The following JAZF1 variants were observed in gnomAD, a reference collection of about 807,000 sequenced individuals.
JAZF1 encodes JAZF zinc finger 1.
Under a neutral mutation model 26.4 loss-of-function variants are expected in JAZF1, and 8 were observed. That is an observed-to-expected ratio of 0.30 (90% CI 0.18 to 0.55). The LOEUF (loss-of-function observed/expected upper bound fraction) is 0.55, where lower values mean the gene tolerates loss of function less well. Ranked by LOEUF, JAZF1 falls within the 20% of genes least tolerant of loss-of-function variation. The probability of loss-of-function intolerance (pLI) is 0.94; values close to 1 mark genes in which losing one functional copy is unlikely to be tolerated. For synonymous variants in JAZF1, 126 were observed against 122.3 expected (o/e 1.03, Z -0.20); for missense variants, 199 against 322.0 (o/e 0.62, Z 2.92).
intron 3 of JAZF1, among the ~76,000 whole-genome samples, chr7:27,880,441 T>C (rs886627609): frequency 5.3e-5 from 8 of 152,112 alleles, no homozygotes; most frequent in Non-Finnish European, 1.0e-4. Flanking sequence ...GAGACCAGTC[T>C]GGCCAACATG....
chr7:28,075,208 G>T (rs1260643907), intron 1 of JAZF1, among the ~76,000 whole-genome samples: 3 of 151,960 alleles, frequency 2.0e-5, no homozygotes, highest in Non-Finnish European at 4.4e-5. Flanking sequence ...TACCCCACAG[G>T]GCTGTTGGCA....
intron 1 of JAZF1, among the ~76,000 whole-genome samples, chr7:28,002,382 C>A (rs1460070569): frequency 2.6e-5 from 4 of 152,122 alleles, no homozygotes; most frequent in African/African-American, 9.7e-5. Flanking sequence ...GATCTGGTAC[C>A]CGAGTCTCCA....
At chr7:28,126,861 T>A (rs1019907258) in intron 1 of JAZF1, among the ~76,000 whole-genome samples, 4 of 152,024 alleles carry the variant, frequency 2.6e-5, no homozygotes, top group Non-Finnish European at 4.4e-5. Flanking sequence ...ACCCTAAAGG[T>A]CATCTCCTTT....
intron 1 of JAZF1, among the ~76,000 whole-genome samples, chr7:28,178,558 A>AT (rs994575006): frequency 5.3e-5 from 8 of 152,100 alleles, no homozygotes; most frequent in Admixed American, 1.3e-4. Context: ...ATCTATATTT[A>AT]TTTTTTACTT....
intron 3 of JAZF1, among the ~76,000 whole-genome samples, chr7:27,852,022 T>A (rs1025598575): frequency 2.6e-5 from 4 of 151,890 alleles, no homozygotes; most frequent in Admixed American, 6.6e-5. Flanking sequence ...CCCACACTGA[T>A]GCTTGGTCAG....
chr7:27,945,308 C>A (rs140233129), intron 2 of JAZF1, among the ~76,000 whole-genome samples: 30 of 152,140 alleles, frequency 2.0e-4, no homozygotes, highest in Middle Eastern at 3.4e-3. Flanking sequence ...GGAAGCCCAG[C>A]GGGGCAAGCC....
At chr7:27,938,728 G>A (rs1245622548) in intron 2 of JAZF1, among the ~76,000 whole-genome samples, 2 of 151,946 alleles carry the variant, frequency 1.3e-5, no homozygotes, top group African/African-American at 4.8e-5. Context: ...CTGGAGTGCA[G>A]TGGCATGATT....
chr7:27,834,211 G>A (rs533244092), intron 4 of JAZF1, among the ~76,000 whole-genome samples: 5 of 152,266 alleles, frequency 3.3e-5, no homozygotes, highest in Admixed American at 2.0e-4. Flanking sequence ...GCACATTGTC[G>A]ATGCTAAGTC....
intron 2 of JAZF1, among the ~76,000 whole-genome samples, chr7:27,981,647 C>T (rs530080875): frequency 6.6e-6 from 1 of 152,120 alleles, no homozygotes; most frequent in South Asian, 2.1e-4. Flanking sequence ...AGCAGTGATA[C>T]CTGGGTGGTG....
intron 1 of JAZF1, among the ~76,000 whole-genome samples, chr7:27,992,454 G>A (rs186974267): frequency 2.0e-5 from 3 of 152,230 alleles, no homozygotes; most frequent in Admixed American, 1.3e-4. Flanking sequence ...ATTCTGAAGG[G>A]CAGTTCTTCT....
intron 1 of JAZF1, among the ~76,000 whole-genome samples, chr7:28,124,938 G>T (rs1226238552): frequency 1.3e-5 from 2 of 152,012 alleles, no homozygotes; most frequent in African/African-American, 2.4e-5. Context: ...ATAAAAGCAG[G>T]GTCTATTATG....
intron 1 of JAZF1, among the ~76,000 whole-genome samples, chr7:28,006,701 C>G (rs1454795294): frequency 6.6e-6 from 1 of 152,078 alleles, no homozygotes; most frequent in Non-Finnish European, 1.5e-5. Context: ...GGAGATAAAG[C>G]CTTAAATCTG....
Position 28,180,554 on chromosome 7 carries a change from G to A in JAZF1, c.24C>T (p.Ser8=). The change falls in exon 1 of 5, where the codon TCC becomes TCT. Residue 8 remains serine (S), a synonymous_variant. Coordinates refer to ENST00000283928, the MANE Select transcript of JAZF1 (RefSeq NM_175061.4). MTGIAAA[S]FFSNTCRFGG... ...CGAATCGGCAGGTATTGGAGAAGAA[G>A]GAGGCGGCGGCGATGCCTGTCATGG... The A allele has an allele frequency of 6.2e-7, 1 of 1,610,538 alleles. No homozygotes were observed. The highest frequency in any genetic ancestry group is 8.5e-7 in the Non-Finnish European group (1 of 1,178,620).
intron 2 of JAZF1, among the ~76,000 whole-genome samples, chr7:27,954,169 C>T (rs545314099): frequency 8.5e-5 from 13 of 152,348 alleles, no homozygotes; most frequent in Non-Finnish European, 1.0e-4. Context: ...AGTAGCCCAG[C>T]TCAGGGATCC....
At chr7:27,869,111 C>T (rs1298243969) in intron 3 of JAZF1, among the ~76,000 whole-genome samples, 1 of 152,162 alleles carries the variant, frequency 6.6e-6, no homozygotes, top group East Asian at 1.9e-4. Context: ...TGGAACAGAA[C>T]GATGCCACAT....
chr7:27,961,926 T>C (rs1281187027), intron 2 of JAZF1, among the ~76,000 whole-genome samples: 1 of 152,210 alleles, frequency 6.6e-6, no homozygotes, highest in Non-Finnish European at 1.5e-5. Context: ...TATATGCTGG[T>C]CCAGGACTTT....
rs56816922 is a variant in JAZF1 at position 28,134,657 on chromosome 7, A to G, written c.115+45806T>C. On this transcript the variant is annotated intron_variant, in intron 1 of 4. Coordinates refer to ENST00000283928, the MANE Select transcript of JAZF1 (RefSeq NM_175061.4). ...TACCAATATTTGTCTTTTTGAAGAA[A>G]TACAACAGGATCCTGGTTCCTGCAG... 1.7e-3 allele frequency among the ~76,000 whole-genome samples: 266 copies of G among 152,100 alleles called. 1 individual carries two copies. Among genetic ancestry groups the G allele is most frequent in the African/African-American group, 5.6e-3 (232 of 41,476 alleles).
chr7:27,920,490 C>G (rs1426665621), intron 2 of JAZF1, among the ~76,000 whole-genome samples: 1 of 152,208 alleles, frequency 6.6e-6, no homozygotes, highest in East Asian at 1.9e-4. Flanking sequence ...ACAGCTAAGT[C>G]TATATGACGA....
At chr7:28,158,184 CACAGAGAGAG>C (rs936198859) in intron 1 of JAZF1, among the ~76,000 whole-genome samples, 1 of 105,318 alleles carries the variant, frequency 9.5e-6, no homozygotes, top group African/African-American at 3.2e-5. Flanking sequence ...CACACACACA[CACAGAGAGAG>C]AGAGAGAGAG....
Sources: gnomAD v4.1 joint callset for allele counts (sites outside exome capture counted in the v4.1 genomes callset) on GRCh38, gnomAD v4.1.1 for gene constraint, MANE v1.5 for transcripts, NCBI Gene and HGNC (gene_info 2026-07-23, HGNC 2026-07-21) for gene names.